AGR3: variants seen among roughly 807,000 people sequenced by gnomAD.
AGR3 encodes the protein anterior gradient protein 3.
In AGR3, 37 loss-of-function variants were observed where a neutral mutation model predicts 24.5. The ratio of observed to expected loss-of-function variants is 1.51; its 90% CI spans 1.16 to 1.99. The LOEUF (loss-of-function observed/expected upper bound fraction) is 1.99. Ranked by LOEUF, AGR3 falls within the 30% of genes most tolerant of loss-of-function variation. AGR3 has a pLI of 0.00. For missense variants in AGR3, 228 were observed against 191.1 expected, an observed-to-expected ratio of 1.19 and a Z score of -1.14; for synonymous variants, 75 against 61.6, an observed-to-expected ratio of 1.22 and a Z score of -1.02.
At chr7:16,871,907 A>C (rs1157814300) in intron 3 of AGR3, among the ~76,000 whole-genome samples, 1 of 152,184 alleles carries the variant, frequency 6.6e-6, no homozygotes, top group Non-Finnish European at 1.5e-5. Flanking sequence ...AGGAGGTGAA[A>C]GATCCCTACA....
At chr7:16,877,788 G>A (rs1209592299) in intron 2 of AGR3, among the ~76,000 whole-genome samples, 1 of 151,380 alleles carries the variant, frequency 6.6e-6, no homozygotes, top group African/African-American at 2.4e-5. Flanking sequence ...GCGTGAACCC[G>A]GGAGGCAGAG....
chr7:16,864,020 C>G (rs1209768030), intron 3 of AGR3, among the ~76,000 whole-genome samples: 1 of 152,152 alleles, frequency 6.6e-6, no homozygotes, highest in African/African-American at 2.4e-5. Flanking sequence ...ACTGACCTCT[C>G]CTTAAACCAC....
Position 16,878,491 on chromosome 7 carries a change from T to C in AGR3, c.109+19A>G, listed in dbSNP as rs754208415. 1 of 1,597,226 alleles carries C rather than the reference T, an allele frequency of 6.3e-7. No individual in the cohort carries two copies. The highest frequency in any genetic ancestry group is 1.7e-5 in the Admixed American group (1 of 59,620). ...AATCCAAATGACTGAGTTTAGAAAA[T>C]AAAATGAGATTACAGCACCTCTTGA... is the stretch of plus-strand genomic sequence containing the variant. On this transcript the variant is annotated intron_variant, in intron 2 of 7. Coordinates refer to ENST00000310398, the MANE Select transcript of AGR3 (RefSeq NM_176813.5).
Position 16,873,857 on chromosome 7 carries a change from G to GAGAAAT in AGR3, c.110-20_110-15dup. On this transcript the variant is annotated splice_polypyrimidine_tract_variant and intron_variant, in intron 2 of 7. Coordinates refer to ENST00000310398, the MANE Select transcript of AGR3 (RefSeq NM_176813.5). ...CATCTCCCCATCCTGAAATAGAAGAGAGAAATCAATGCAGTAACCCAGAAC... is the reference window on the plus strand; with the variant it reads ...CATCTCCCCATCCTGAAATAGAAGAGAGAAATAGAAATCAATGCAGTAACCCAGAAC... 6.2e-7 allele frequency: 1 copy of GAGAAAT among 1,604,892 alleles called. No individual in the cohort carries two copies. Among genetic ancestry groups the GAGAAAT allele is most frequent in the Non-Finnish European group, 8.5e-7 (1 of 1,172,538 alleles).
At chr7:16,858,358 T>C (rs1267058161), downstream of AGR3, among the ~76,000 whole-genome samples, 1 of 152,118 alleles carries the variant, frequency 6.6e-6, no homozygotes, top group Admixed American at 6.5e-5. Flanking sequence ...ATTAGCAGGA[T>C]TTTTTCTTCT....
chr7:16,881,684 G>C (rs1462815527), intron 1 of AGR3, among the ~76,000 whole-genome samples: 2 of 152,144 alleles, frequency 1.3e-5, no homozygotes, highest in Non-Finnish European at 2.9e-5. Flanking sequence ...ATAAAGAAGA[G>C]CTATCATTAC....
intron 6 of AGR3, 122 bp downstream of exon 6, chr7:16,861,262 A>T: frequency 1.5e-6 from 1 of 675,686 alleles, no homozygotes; most frequent in Non-Finnish European, 2.4e-6. Flanking sequence ...AGCTGATATT[A>T]TTGGATTAGA....
intron 3 of AGR3, among the ~76,000 whole-genome samples, chr7:16,870,313 G>C (rs1204990487): frequency 1.3e-5 from 2 of 151,674 alleles, no homozygotes; most frequent in Admixed American, 1.3e-4. Context: ...AATTTTTTTA[G>C]TTTTTCACGT....
chr7:16,881,042 A>G (rs1782108399), intron 1 of AGR3, among the ~76,000 whole-genome samples: 1 of 152,194 alleles, frequency 6.6e-6, no homozygotes, highest in Non-Finnish European at 1.5e-5. Flanking sequence ...AAATTCTTCC[A>G]GGGATCTTGG....
In AGR3 at chr7:16,859,484, A is replaced by G. The variant is rs937739609; in HGVS notation, c.*98T>C. On this transcript the variant is annotated 3_prime_UTR_variant, in exon 8 of 8. Coordinates refer to ENST00000310398, the MANE Select transcript of AGR3 (RefSeq NM_176813.5). ...AAAAAAACTAAATAGTAATATTACA[A>G]AATCTATATACTTGCACATTTAGTA... 5.1e-6 allele frequency: 4 copies of G among 781,354 alleles called. No homozygotes were observed. The African/African-American group carries it at 5.2e-5, about 10-fold the overall frequency. 48.4% of individuals were successfully genotyped at this position (781,354 alleles called of 1,614,324 possible).
chr7:16,877,288 A>C (rs1214869909), intron 2 of AGR3, among the ~76,000 whole-genome samples: 2 of 116,272 alleles, frequency 1.7e-5, no homozygotes, highest in Non-Finnish European at 2.0e-5. Context: ...GATATATATT[A>C]TATATAATAT....
In AGR3 at chr7:16,864,618, G is replaced by A. The variant is rs766247835; in HGVS notation, c.174-1956C>T. Reference sequence around the variant, plus strand: ...TCATTGGAATGGTTATTAGAGCAAGGTATGGCAGTAGCTGAGTTTGGAGGC... The same window carrying A: ...TCATTGGAATGGTTATTAGAGCAAGATATGGCAGTAGCTGAGTTTGGAGGC... On this transcript the variant is annotated intron_variant, in intron 3 of 7. Transcript: ENST00000310398. 2.6e-6 allele frequency: 4 copies of A among 1,539,522 alleles called. No homozygotes were observed. The Admixed American group carries it at 6.7e-5, about 26-fold the overall frequency.
intron 3 of AGR3, among the ~76,000 whole-genome samples, chr7:16,869,957 A>G (rs1781833861): frequency 6.6e-6 from 1 of 151,930 alleles, no homozygotes; most frequent in Non-Finnish European, 1.5e-5. Context: ...CTTTAGAATT[A>G]TCTTTTTAAA....
At chr7:16,880,792 G>A (rs1415881016) in intron 1 of AGR3, among the ~76,000 whole-genome samples, 2 of 152,078 alleles carry the variant, frequency 1.3e-5, no homozygotes, top group Non-Finnish European at 2.9e-5. Flanking sequence ...GTACAGGACA[G>A]GGACAGTTGA....
chr7:16,870,655 A>G (rs2471905), intron 3 of AGR3, among the ~76,000 whole-genome samples: 45,514 of 152,000 alleles, frequency 0.3, 7,304 homozygotes, highest in Middle Eastern at 0.4. Flanking sequence ...GATTAGACAT[A>G]CTTGTATGAA....
intron 3 of AGR3, among the ~76,000 whole-genome samples, chr7:16,871,610 A>G (rs1427824480): frequency 6.6e-6 from 1 of 152,178 alleles, no homozygotes; most frequent in African/African-American, 2.4e-5. Flanking sequence ...TGGGAGGTTG[A>G]GGTGGACGTA....
At chr7:16,864,599 G>C (rs1781714822) in intron 3 of AGR3, 4 of 1,498,540 alleles carry the variant, frequency 2.7e-6, no homozygotes, top group Non-Finnish European at 3.7e-6. Context: ...TTTCTCATTG[G>C]AATGGTTATT....
At chr7:16,863,627 A>T (rs1583836865) in intron 3 of AGR3, among the ~76,000 whole-genome samples, 1 of 152,184 alleles carries the variant, frequency 6.6e-6, no homozygotes, top group East Asian at 1.9e-4. Context: ...GTTCACATTT[A>T]TGTGTATGTA....
At chr7:16,867,391 A>T (rs1269853855) in intron 3 of AGR3, among the ~76,000 whole-genome samples, 2 of 152,120 alleles carry the variant, frequency 1.3e-5, no homozygotes, top group East Asian at 3.8e-4. Context: ...TATTTATTTG[A>T]CAAGTAAAAG....
Sources: gnomAD v4.1 joint callset for allele counts (sites outside exome capture counted in the v4.1 genomes callset) on GRCh38, gnomAD v4.1.1 for gene constraint, MANE v1.5 for transcripts, NCBI Gene and HGNC (gene_info 2026-07-23, HGNC 2026-07-21) for gene names.